The following PCNT variants were observed in gnomAD, a reference collection of about 807,000 sequenced individuals.
PCNT encodes the protein kendrin.
PCNT carries 319 observed loss-of-function variants against 380.4 expected under a neutral mutation model. The observed-to-expected ratio is 0.84, with a 90% CI of 0.77 to 0.92. PCNT has a LOEUF of 0.92. Among genes scored for constraint, PCNT ranks in the 40% least tolerant of loss-of-function variants. The pLI is 0.00. For missense variants in PCNT, 4,400 were observed against 4,255.3 expected (o/e 1.03, Z -0.95); for synonymous variants, 1,845 against 1,735.2 (o/e 1.06, Z -1.57).
At chr21:46,353,866 G>T in intron 10 of PCNT, 121 bp from the exon 11 acceptor site, 1 of 832,020 alleles carries the variant, frequency 1.2e-6, no homozygotes, top group Non-Finnish European at 2.0e-6. Flanking sequence ...GACATTGCCC[G>T]TCCTTGACTG....
intron 6 of PCNT, among the ~76,000 whole-genome samples, chr21:46,347,858 G>A (rs971851057): frequency 3.9e-5 from 6 of 152,198 alleles, no homozygotes; most frequent in African/African-American, 1.2e-4. Flanking sequence ...TGGGGTGTGG[G>A]TGCTGGGGTG....
chr21:46,397,267 C>T lies in PCNT; in HGVS notation c.4219C>T (p.Leu1407Phe). ...ATDAEAREAA[L>F]RKEVEDLTKE... Reference sequence around the variant, plus strand: ...GTCTGTCCTGTTTGCATCCTTAGCTCTCCGGAAGGAAGTGGAGGATCTGAC... The same window carrying T: ...GTCTGTCCTGTTTGCATCCTTAGCTTTCCGGAAGGAAGTGGAGGATCTGAC... Residue 1407 changes from leucine to phenylalanine, a missense_variant and splice_region_variant, in exon 22 of 47, where the codon CTC becomes TTC. Coordinates refer to ENST00000359568, the MANE Select transcript of PCNT (RefSeq NM_006031.6). 2 of 1,613,796 alleles carry T rather than the reference C, an allele frequency of 1.2e-6. No homozygotes were observed. Among genetic ancestry groups the T allele is most frequent in the South Asian group, 2.2e-5 (2 of 91,044 alleles).
chr21:46,399,869 C>A, intron 25 of PCNT, 73 bp downstream of exon 25: 1 of 1,318,428 alleles, frequency 7.6e-7, no homozygotes, highest in Non-Finnish European at 1.1e-6. Context: ...GCTGAGCTGG[C>A]AGGGAGTGGG....
intron 43 of PCNT, 43 bp from the exon 44 acceptor site, chr21:46,442,454 T>C (rs377648415): frequency 4.8e-6 from 6 of 1,258,006 alleles, no homozygotes; most frequent in African/African-American, 4.4e-5. Flanking sequence ...TCCCTTCCTG[T>C]CTTGCCGTAC....
chr21:46,435,032 T>C (rs115999436), intron 38 of PCNT, among the ~76,000 whole-genome samples: 1 of 152,136 alleles, frequency 6.6e-6, no homozygotes, highest in African/African-American at 2.4e-5. Flanking sequence ...CTGGGGTGTG[T>C]GATTCAGCTG....
chr21:46,428,727 A>G, intron 35 of PCNT, 137 bp downstream of exon 35: 1 of 822,642 alleles, frequency 1.2e-6, no homozygotes, highest in Non-Finnish European at 2.0e-6. Context: ...CATGGTTGTC[A>G]GCTGATAGGA....
At position 46,383,130 on chromosome 21, in the gene PCNT, C is replaced by G. The variant is rs1185036719; in HGVS notation, c.3312+1290C>G. Among the ~76,000 whole-genome samples the G allele has an allele frequency of 3.3e-3, 321 of 97,724 alleles. No individual in the cohort carries two copies. The Middle Eastern group carries it at 0.066, about 20-fold the overall frequency. The allele number at this position is 97,724 out of a possible 152,430, so 64.1% of individuals were successfully genotyped here. ...GTGCTGTGCATTCAGTGGTGGAAGC[C>G]CATTCACGGTGTTGTGCATTCAGTG... On this transcript the variant is annotated intron_variant, in intron 16 of 46. Coordinates refer to ENST00000359568, the MANE Select transcript of PCNT (RefSeq NM_006031.6).
Position 46,397,333 on chromosome 21 carries a change from C to T in PCNT, c.4285C>T (p.Arg1429Cys), listed in dbSNP as rs62224222. ...SETRKQAEKD[R>C]SALLSQMKIL... ...GACCAGGAAGCAGGCTGAGAAGGAC[C>T]GCTCAGCCCTGCTCTCCCAGATGAA... The change falls in exon 22 of 47, where the codon CGC (arginine) becomes TGC (cysteine). Residue 1429 changes from arginine (R) to cysteine (C), a missense_variant. Arg to Cys is a radical substitution (Grantham distance 180). Coordinates refer to ENST00000359568, the MANE Select transcript of PCNT (RefSeq NM_006031.6). 10,170 of 1,613,950 alleles carry T rather than the reference C, an allele frequency of 6.3e-3. 41 individuals carry two copies. The highest frequency in any genetic ancestry group is 7.8e-3 in the Non-Finnish European group (9,250 of 1,179,924).
chr21:46,430,118 C>A lies in PCNT; in HGVS notation c.7799C>A (p.Ala2600Glu), dbSNP rs762085456. 1 of 1,614,132 alleles carries A rather than the reference C, an allele frequency of 6.2e-7. No individual in the cohort carries two copies. Among genetic ancestry groups the A allele is most frequent in the South Asian group, 1.1e-5 (1 of 91,086 alleles). ...EKANSVQKLL[A>E]AEQTVVRDLK... ...GCAAACAGCGTGCAGAAGCTCCTGG[C>A]GGCGGAGCAGACTGTAGTGCGAGAT... Residue 2600 changes from alanine (A) to glutamate (E), a missense_variant, in exon 36 of 47, where the codon GCG becomes GAG. Coordinates refer to ENST00000359568, the MANE Select transcript of PCNT (RefSeq NM_006031.6).
At position 46,390,788 on chromosome 21, in the gene PCNT, G is replaced by A. The variant is rs1270853527; in HGVS notation, c.3959G>A (p.Ser1320Asn). The A allele has an allele frequency of 6.2e-7, 1 of 1,612,412 alleles. No individual in the cohort carries two copies. Among genetic ancestry groups the A allele is most frequent in the South Asian group, 1.1e-5 (1 of 90,916 alleles). The change falls in exon 20 of 47, where the codon AGC (serine) becomes AAC (asparagine). Residue 1320 changes from serine (S) to asparagine (N), a missense_variant. Physicochemically the swap from Ser to Asn is conservative, Grantham distance 46. Transcript: ENST00000359568. ...CTGCTGGAGTGTTTGAAGGAGGAGA[G>A]CGCAGCAAAGGCAGAGCTGGCGCTG... The part of the protein sequence containing the change: ...QELLECLKEE[S>N]AAKAELALEL...
chr21:46,359,191 G>C lies in PCNT; in HGVS notation c.2154+2000G>C, dbSNP rs1300522988. On this transcript the variant is annotated intron_variant, in intron 13 of 46. Transcript: ENST00000359568. ...TGGTCTCAAACTCCTGATCTCAAGT[G>C]ATCTGCCCGCCTTGGCCTCCCAAAG... Among the ~76,000 whole-genome samples the C allele has an allele frequency of 2.0e-5, 3 of 151,602 alleles. No homozygotes were observed. The East Asian group carries it at 5.8e-4, about 29-fold the overall frequency.
chr21:46,388,913 C>A lies in PCNT; in HGVS notation c.3607+29C>A, dbSNP rs369643511. 1,079 of 1,569,934 alleles carry A rather than the reference C, an allele frequency of 6.9e-4. No homozygotes were observed. The highest frequency in any genetic ancestry group is 8.7e-4 in the Non-Finnish European group (1,013 of 1,164,110). ...AGTGTGCCGGGACCAGCTGCCCAGC[C>A]CTGTGCTTGCAGCCCCTCTGTGGTC... On this transcript the variant is annotated intron_variant, in intron 18 of 46. Coordinates refer to ENST00000359568, the MANE Select transcript of PCNT (RefSeq NM_006031.6). This position sits in a 1 kb window ranked among gnomAD's most constrained non-coding sequence, Gnocchi z 4.2.
intron 38 of PCNT, among the ~76,000 whole-genome samples, chr21:46,434,914 C>A (rs533841128): frequency 2.2e-4 from 33 of 152,386 alleles, no homozygotes; most frequent in African/African-American, 7.9e-4. Context: ...TGTTCTGTTT[C>A]AGCTTCTCAG....
At chr21:46,345,234 T>C (rs2084028392) in intron 3 of PCNT, among the ~76,000 whole-genome samples, 1 of 152,166 alleles carries the variant, frequency 6.6e-6, no homozygotes, top group Admixed American at 6.5e-5. Flanking sequence ...ATTTATTTTT[T>C]TGAGGTGGAG....
rs530106834 is a variant in PCNT at position 46,386,912 on chromosome 21, C to G, written c.3464+929C>G. On this transcript the variant is annotated intron_variant, in intron 17 of 46. Coordinates refer to ENST00000359568, the MANE Select transcript of PCNT (RefSeq NM_006031.6). ...TTTGGCTGCTCCCATTGGCGTGTCC[C>G]CGCCCGAGGCCTCTGTGTCCTGCTG... is the stretch of plus-strand genomic sequence containing the variant. Among the ~76,000 whole-genome samples, 46 of 152,252 alleles carry G rather than the reference C, an allele frequency of 3.0e-4. No homozygotes were observed. In the East Asian group the frequency reaches 8.9e-3, roughly 29 times the overall value.
chr21:46,366,479 G>C, intron 14 of PCNT, 105 bp from the exon 15 acceptor site: 2 of 920,068 alleles, frequency 2.2e-6, no homozygotes, highest in South Asian at 1.3e-5. Context: ...ACGATGACCT[G>C]AACAGTTGAA....
In PCNT at chr21:46,416,512, T is replaced by C. The variant is rs57108405; in HGVS notation, c.6594T>C (p.Gly2198=). Residue 2198 remains glycine (G), a synonymous_variant, in exon 30 of 47, where the codon GGT becomes GGC. Transcript: ENST00000359568. ...TTTCTTCACCGACCAGCGTACTTGG[T>C]GGCTCCCGCCACCAGAGCCACACTG... ...MSLSSPTSVL[G]GSRHQSHTAE... is the part of the protein sequence containing the mutation. 58,539 of 1,613,746 alleles carry C rather than the reference T, an allele frequency of 0.036. 7,331 individuals are homozygous for C. In the African/African-American group the frequency reaches 0.42, roughly 12 times the overall value.
rs143111553 is a variant in PCNT, at chr21:46,382,147, G to A, written c.3312+307G>A. 0.052 allele frequency among the ~76,000 whole-genome samples: 7,514 copies of A among 144,294 alleles called. 900 individuals carry two copies. The highest frequency in any genetic ancestry group is 0.069 in the Non-Finnish European group (4,555 of 65,598). The allele number at this position is 144,294 out of a possible 152,430, so 94.7% of individuals were successfully genotyped here. Reference sequence around the variant, plus strand: ...TTCACGGTGTTGTGCATTCAGTGGCGGAAGCGCATTCATAGTGTAGATTCA... The same window carrying A: ...TTCACGGTGTTGTGCATTCAGTGGCAGAAGCGCATTCATAGTGTAGATTCA... On this transcript the variant is annotated intron_variant, in intron 16 of 46. Coordinates refer to ENST00000359568, the MANE Select transcript of PCNT (RefSeq NM_006031.6).
rs370492724 is a variant in PCNT, at chr21:46,422,142, G to A, written c.7179+18G>A. The A allele has an allele frequency of 2.8e-5, 45 of 1,612,576 alleles. No individual in the cohort carries two copies. In the African/African-American group the frequency reaches 5.1e-4, roughly 18 times the overall value. Reference sequence around the variant, plus strand: ...ACGTGAAGGTATGGCTGGCAGGGGCGGCCCTCACAGCTTCACATGTGCAGC... The same window carrying A: ...ACGTGAAGGTATGGCTGGCAGGGGCAGCCCTCACAGCTTCACATGTGCAGC... On this transcript the variant is annotated intron_variant, in intron 32 of 46. Coordinates refer to ENST00000359568, the MANE Select transcript of PCNT (RefSeq NM_006031.6).
Sources: gnomAD v4.1 joint callset for allele counts (sites outside exome capture counted in the v4.1 genomes callset) on GRCh38, gnomAD v4.1.1 for gene constraint, Gnocchi (gnomAD v3.1) non-coding constraint, MANE v1.5 for transcripts, NCBI Gene and HGNC (gene_info 2026-07-23, HGNC 2026-07-21) for gene names.